Variants in SASH1 observed in about 807,000 individuals in gnomAD.
The protein encoded by SASH1 is SAM and SH3 domain-containing protein 1.
SASH1 carries 44 observed loss-of-function variants against 125.2 expected under a neutral mutation model. The observed-to-expected ratio is 0.35, with a 90% CI of 0.28 to 0.45. The LOEUF (loss-of-function observed/expected upper bound fraction) is 0.45, where lower values mean the gene tolerates loss of function less well. Among genes scored for constraint, SASH1 ranks in the 20% least tolerant of loss-of-function variants. The probability of loss-of-function intolerance (pLI) is 1.00; values close to 1 mark genes in which losing one functional copy is unlikely to be tolerated. For missense variants in SASH1, 1,426 were observed against 1,614.5 expected, an observed-to-expected ratio of 0.88 and a Z score of 2.00; for synonymous variants, 639 against 649.1, an observed-to-expected ratio of 0.98 and a Z score of 0.24.
At position 148,349,252 on chromosome 6, in the gene SASH1, C is replaced by CTTTTTTTTT. The variant is rs11317386; in HGVS notation, c.156+6050_156+6058dup. 2.8e-3 allele frequency among the ~76,000 whole-genome samples: 132 copies of CTTTTTTTTT among 47,056 alleles called. 6 individuals are homozygous for CTTTTTTTTT. Among genetic ancestry groups the CTTTTTTTTT allele is most frequent in the African/African-American group, 7.0e-3 (82 of 11,752 alleles). The allele number at this position is 47,056 out of a possible 152,430, so 30.9% of individuals were successfully genotyped here. ...TTATTTCATTCTTTCTTCTTTCTTTCTTTTTTTTTTTTTTTTTTTTTTTTT... is the reference window on the plus strand; with the variant it reads ...TTATTTCATTCTTTCTTCTTTCTTTCTTTTTTTTTTTTTTTTTTTTTTTTTTTTTTTTTT... On this transcript the variant is annotated intron_variant, in intron 1 of 19. Coordinates refer to ENST00000367467, the MANE Select transcript of SASH1 (RefSeq NM_015278.5).
intron 1 of SASH1, among the ~76,000 whole-genome samples, chr6:148,381,481 A>T (rs1337617770): frequency 6.6e-6 from 1 of 152,028 alleles, no homozygotes; most frequent in Non-Finnish European, 1.5e-5. Context: ...GAATCATTGC[A>T]TGTAAGGGTG....
chr6:148,223,307 AATATTT>A, the SASH1 span, among the ~76,000 whole-genome samples: 57 of 152,364 alleles, frequency 3.7e-4, no homozygotes, highest in South Asian at 1.4e-3. Context: ...TACATGAGTT[AATATTT>A]ATAAAGTTCT....
chr6:148,454,306 G>A (rs548216292), intron 4 of SASH1, among the ~76,000 whole-genome samples: 25 of 152,236 alleles, frequency 1.6e-4, no homozygotes, highest in Non-Finnish European at 2.8e-4. Flanking sequence ...AACAGCTATA[G>A]CAGGGCCCCA....
chr6:148,443,586 T>C (rs1776649913), intron 4 of SASH1, among the ~76,000 whole-genome samples: 1 of 120,328 alleles, frequency 8.3e-6, no homozygotes, highest in African/African-American at 3.1e-5. Context: ...TACCTGTTGG[T>C]TTTAGATTCT....
intron 12 of SASH1, among the ~76,000 whole-genome samples, chr6:148,527,916 G>A (rs1289301221): frequency 6.7e-6 from 1 of 148,550 alleles, no homozygotes; most frequent in African/African-American, 2.5e-5. Flanking sequence ...ACAAAGGAAG[G>A]ATTTTATTTT....
At chr6:148,289,985 A>G (rs1329638533) in intron 1 of SASH1, among the ~76,000 whole-genome samples, 5 of 147,686 alleles carry the variant, frequency 3.4e-5, no homozygotes. Flanking sequence ...CTCCTGCCTC[A>G]GCCTCTTGAG....
chr6:148,272,030 T>C (rs529279566), upstream of SASH1, among the ~76,000 whole-genome samples: 223 of 152,260 alleles, frequency 1.5e-3, 1 homozygote, highest in African/African-American at 5.3e-3. Context: ...TCAAGCTTTG[T>C]TTCTGAGGGG....
At chr6:148,217,206 T>G in the SASH1 span, among the ~76,000 whole-genome samples, 1 of 152,224 alleles carries the variant, frequency 6.6e-6, no homozygotes, top group Non-Finnish European at 1.5e-5. Context: ...TAATCCTGAA[T>G]AGCAACCTAG....
Position 148,521,936 on chromosome 6 carries a change from CCT to C in SASH1, c.1209+2047_1209+2048del, listed in dbSNP as rs1449080676. On this transcript the variant is annotated intron_variant, in intron 10 of 19. Transcript: ENST00000367467. ...CTGAGCACCTTGAATTGTTGATGTG[CCT>C]CTCATGTTATTTACTGTCAGATTAA... Among the ~76,000 whole-genome samples the C allele has an allele frequency of 3.3e-5, 5 of 152,292 alleles. No individual in the cohort carries two copies. In the South Asian group the frequency reaches 6.2e-4, roughly 19 times the overall value.
At chr6:148,317,488 G>C (rs954604759) in intron 1 of SASH1, among the ~76,000 whole-genome samples, 1 of 152,202 alleles carries the variant, frequency 6.6e-6, no homozygotes, top group Non-Finnish European at 1.5e-5. Context: ...GCAATGGCAC[G>C]ACCTCGGCTC....
intron 1 of SASH1, among the ~76,000 whole-genome samples, chr6:148,363,519 G>A (rs985135763): frequency 1.3e-5 from 2 of 151,968 alleles, no homozygotes; most frequent in African/African-American, 4.8e-5. Flanking sequence ...CTCTGCCTCA[G>A]CCTCCTGAGT....
rs768303581 is a variant in SASH1, at chr6:148,543,949, G to T, written c.2479G>T (p.Gly827Cys). Residue 827 changes from glycine (G) to cysteine (C), a missense_variant, in exon 18 of 20, where the codon GGC becomes TGC. Physicochemically the swap from Gly to Cys is radical, Grantham distance 159. This residue lies in a region of SASH1 where 634 missense variants were observed against 694.4 expected (regional missense o/e 0.91). Transcript: ENST00000367467. ...SICRSCETLE[G>C]PQTVDTWPRS... ...CTGCCGGAGCTGTGAGACCCTGGAG[G>T]GCCCCCAGACTGTGGACACTTGGCC... is the stretch of plus-strand genomic sequence containing the variant. 2 of 1,614,028 alleles carry T rather than the reference G, an allele frequency of 1.2e-6. No homozygotes were observed. Among genetic ancestry groups the T allele is most frequent in the Non-Finnish European group, 1.7e-6 (2 of 1,180,028 alleles).
At position 148,519,492 on chromosome 6, in the gene SASH1, T is replaced by G; in HGVS notation, c.863-55T>G. 3.1e-6 allele frequency: 4 copies of G among 1,299,272 alleles called. No individual in the cohort carries two copies. The highest frequency in any genetic ancestry group is 4.4e-6 in the Non-Finnish European group (4 of 913,294). 80.5% of individuals were successfully genotyped at this position (1,299,272 alleles called of 1,614,324 possible). ...GAAAGGTGGTGAATGTAAAGAAAGA[T>G]GTATGCAAGAATGCAAAGGTGTGTT... On this transcript the variant is annotated intron_variant, in intron 9 of 19. Coordinates refer to ENST00000367467, the MANE Select transcript of SASH1 (RefSeq NM_015278.5). The surrounding 1 kb of genome is among the most constrained non-coding windows in gnomAD (Gnocchi z 4.8).
At chr6:148,251,435 A>AT in the SASH1 span, among the ~76,000 whole-genome samples, 1 of 152,206 alleles carries the variant, frequency 6.6e-6, no homozygotes, top group African/African-American at 2.4e-5. Flanking sequence ...TTCTTGCTCA[A>AT]TTACTTGCTT....
chr6:148,405,274 A>G (rs1416715085), intron 2 of SASH1, among the ~76,000 whole-genome samples: 5 of 152,068 alleles, frequency 3.3e-5, no homozygotes, highest in African/African-American at 9.6e-5. Flanking sequence ...GAATATTAGC[A>G]AGTAATGGTT....
intron 1 of SASH1, among the ~76,000 whole-genome samples, chr6:148,312,393 A>T (rs961463660): frequency 1.3e-5 from 2 of 152,214 alleles, no homozygotes; most frequent in African/African-American, 2.4e-5. Context: ...CTGTAATCTC[A>T]GTGCTTTGGA....
chr6:148,258,295 C>T, the SASH1 span, among the ~76,000 whole-genome samples: 1 of 152,126 alleles, frequency 6.6e-6, no homozygotes, highest in Non-Finnish European at 1.5e-5. Flanking sequence ...CTAAAGAATC[C>T]TAAATCATTG....
At chr6:148,206,581 G>C in the SASH1 span, among the ~76,000 whole-genome samples, 2 of 152,118 alleles carry the variant, frequency 1.3e-5, no homozygotes, top group East Asian at 1.9e-4. Flanking sequence ...CCCGAAGTCA[G>C]GAGTTTGAGA....
At chr6:148,498,003 G>C (rs1390980758) in intron 8 of SASH1, among the ~76,000 whole-genome samples, 1 of 152,030 alleles carries the variant, frequency 6.6e-6, no homozygotes, top group African/African-American at 2.4e-5. Flanking sequence ...TTTGACTTTG[G>C]GAACTAACCA....
Sources: gnomAD v4.1 joint callset for allele counts (sites outside exome capture counted in the v4.1 genomes callset) on GRCh38, gnomAD v4.1.1 for gene constraint, gnomAD v4.1.1 regional missense constraint, Gnocchi (gnomAD v3.1) non-coding constraint, MANE v1.5 for transcripts, NCBI Gene and HGNC (gene_info 2026-07-23, HGNC 2026-07-21) for gene names.